The following PIK3CB variants were observed in gnomAD, a reference collection of about 807,000 sequenced individuals.
PIK3CB encodes the protein phosphatidylinositol 4,5-bisphosphate 3-kinase catalytic subunit beta isoform.
In PIK3CB, 39 loss-of-function variants were observed where a neutral mutation model predicts 136.8. That is an observed-to-expected ratio of 0.29 (90% CI 0.22 to 0.37). The LOEUF is 0.37. Among genes scored for constraint, PIK3CB ranks in the 10% least tolerant of loss-of-function variants. PIK3CB has a pLI of 1.00. For missense variants in PIK3CB, 868 were observed against 1,275.4 expected (o/e 0.68, Z 4.87); for synonymous variants, 428 against 436.6 (o/e 0.98, Z 0.25).
intron 8 of PIK3CB, among the ~76,000 whole-genome samples, chr3:138,715,404 G>T (rs868123754): frequency 2.0e-5 from 3 of 152,136 alleles, no homozygotes; most frequent in African/African-American, 7.2e-5. Context: ...GCTAAAAACA[G>T]TAGTAAAACA....
At chr3:138,795,323 TAA>T (rs56912195) in intron 2 of PIK3CB, among the ~76,000 whole-genome samples, 2,201 of 112,354 alleles carry the variant, frequency 0.02, 45 homozygotes, top group African/African-American at 0.059. Context: ...CTCTGTCTTT[TAA>T]AAAAAAAAAA....
intron 7 of PIK3CB, 35 bp downstream of exon 7, chr3:138,734,599 T>G: frequency 6.7e-7 from 1 of 1,493,376 alleles, no homozygotes; most frequent in Non-Finnish European, 9.2e-7. Context: ...TCACATGGCT[T>G]TTGGGGTTAC....
chr3:138,739,167 C>G (rs951776018), intron 5 of PIK3CB, among the ~76,000 whole-genome samples: 1 of 152,078 alleles, frequency 6.6e-6, no homozygotes, highest in African/African-American at 2.4e-5. Context: ...CCCCAGAGGC[C>G]GTGCACGCTG....
intron 1 of PIK3CB, among the ~76,000 whole-genome samples, chr3:138,799,176 C>CT (rs1157343453): frequency 0.065 from 8,476 of 130,954 alleles, 1,157 homozygotes; most frequent in African/African-American, 0.22. Flanking sequence ...TCAAATCTTA[C>CT]TTTTTTTTTT....
chr3:138,821,246 T>C (rs532833752), intron 1 of PIK3CB, among the ~76,000 whole-genome samples: 66 of 148,974 alleles, frequency 4.4e-4, no homozygotes, highest in Middle Eastern at 3.6e-3. Context: ...ATTGTGCCAC[T>C]GCACTCCAGC....
rs143679648 is a variant in PIK3CB at position 138,790,941 on chromosome 3, C to A, written c.-17+5522G>T. The stretch of plus-strand genomic sequence containing the variant: ...TCACACCACTGCACTCCAGCCTGGG[C>A]AACAGAGTGAGATTCCACCTCAAAA... On this transcript the variant is annotated intron_variant, in intron 2 of 23. Coordinates refer to ENST00000674063, the MANE Select transcript of PIK3CB (RefSeq NM_006219.3). Among the ~76,000 whole-genome samples, 248 of 151,828 alleles carry A rather than the reference C, an allele frequency of 1.6e-3. 1 individual carries two copies. Among genetic ancestry groups the A allele is most frequent in the African/African-American group, 5.6e-3 (231 of 41,456 alleles).
chr3:138,714,366 A>C, intron 9 of PIK3CB, 102 bp downstream of exon 9: 2 of 713,992 alleles, frequency 2.8e-6, no homozygotes, highest in Non-Finnish European at 4.4e-6. Flanking sequence ...TTAAGGATCA[A>C]AGTTACCTAA....
chr3:138,689,745 T>C (rs2108502577), intron 15 of PIK3CB, among the ~76,000 whole-genome samples: 1 of 152,386 alleles, frequency 6.6e-6, no homozygotes, highest in Admixed American at 6.5e-5. Flanking sequence ...AAAGCTATGA[T>C]ATTCTATAGT....
chr3:138,809,849 T>C (rs1042358861), intron 1 of PIK3CB, among the ~76,000 whole-genome samples: 10 of 152,086 alleles, frequency 6.6e-5, no homozygotes, highest in Admixed American at 1.3e-4. Flanking sequence ...GATACCCCAG[T>C]AGTAAAGAGG....
chr3:138,764,111 CAA>C (rs143635044), intron 2 of PIK3CB, among the ~76,000 whole-genome samples: 36 of 78,904 alleles, frequency 4.6e-4, no homozygotes, highest in Admixed American at 4.1e-4. Flanking sequence ...ACTCCATCTC[CAA>C]AAAAAAAAAA....
intron 4 of PIK3CB, among the ~76,000 whole-genome samples, chr3:138,745,913 A>T (rs550146189): frequency 3.2e-4 from 49 of 151,854 alleles, no homozygotes; most frequent in Non-Finnish European, 6.0e-4. Flanking sequence ...CCTTTGTGGC[A>T]TTTTTTTTCT....
At chr3:138,686,926 C>G (rs2108495245) in intron 16 of PIK3CB, among the ~76,000 whole-genome samples, 1 of 152,296 alleles carries the variant, frequency 6.6e-6, no homozygotes. Flanking sequence ...TACTTCTCAA[C>G]AGTTTCAGGA....
At chr3:138,777,902 C>T (rs2045878378) in intron 2 of PIK3CB, 3 of 259,756 alleles carry the variant, frequency 1.2e-5, no homozygotes, top group South Asian at 1.0e-4. Context: ...TTAACTCTGG[C>T]GAAGTGGATA....
At chr3:138,669,606 G>C (rs1270042948) in intron 19 of PIK3CB, among the ~76,000 whole-genome samples, 6 of 152,030 alleles carry the variant, frequency 3.9e-5, no homozygotes, top group Non-Finnish European at 8.8e-5. Context: ...TATAAGATTT[G>C]CTTATTACTT....
At chr3:138,776,215 GAA>G (rs1198649584) in intron 2 of PIK3CB, among the ~76,000 whole-genome samples, 1 of 151,716 alleles carries the variant, frequency 6.6e-6, no homozygotes, top group Non-Finnish European at 1.5e-5. Context: ...AAAAAAGAAA[GAA>G]AGAAAAATGA....
intron 16 of PIK3CB, among the ~76,000 whole-genome samples, chr3:138,688,277 G>A (rs909975346): frequency 4.6e-5 from 7 of 151,854 alleles, no homozygotes; most frequent in Admixed American, 6.6e-5. Flanking sequence ...CGAGGCGGGC[G>A]GATCACGAGG....
intron 2 of PIK3CB, among the ~76,000 whole-genome samples, chr3:138,783,901 T>C (rs557779116): frequency 6.6e-6 from 1 of 152,234 alleles, no homozygotes; most frequent in African/African-American, 2.4e-5. Flanking sequence ...TAATAATTAG[T>C]TTCCCAAAAG....
intron 15 of PIK3CB, among the ~76,000 whole-genome samples, chr3:138,690,055 C>A (rs1208303377): frequency 6.6e-6 from 1 of 151,118 alleles, no homozygotes; most frequent in African/African-American, 2.4e-5. Flanking sequence ...AAAACTAAGA[C>A]TGAATGAATG....
At chr3:138,710,085 G>T (rs913456380) in intron 10 of PIK3CB, among the ~76,000 whole-genome samples, 1 of 151,834 alleles carries the variant, frequency 6.6e-6, no homozygotes, top group African/African-American at 2.4e-5. Flanking sequence ...GCTACTTGGG[G>T]GGCTGAGGAG....
Sources: gnomAD v4.1 joint callset for allele counts (sites outside exome capture counted in the v4.1 genomes callset) on GRCh38, gnomAD v4.1.1 for gene constraint, MANE v1.5 for transcripts, NCBI Gene and HGNC (gene_info 2026-07-23, HGNC 2026-07-21) for gene names.